HPCAL1: variants seen among roughly 807,000 people sequenced by gnomAD.
The protein encoded by HPCAL1 is hippocalcin like 1.
HPCAL1 carries 8 observed loss-of-function variants against 17.1 expected under a neutral mutation model. The ratio of observed to expected loss-of-function variants is 0.47; its 90% confidence interval spans 0.27 to 0.84. The LOEUF is 0.84. Among genes scored for constraint, HPCAL1 ranks in the 40% least tolerant of loss-of-function variants. The probability of loss-of-function intolerance (pLI) is 0.13; values close to 1 mark genes in which losing one functional copy is unlikely to be tolerated. For synonymous variants in HPCAL1, 112 were observed against 111.4 expected (o/e 1.01, Z -0.03); for missense variants, 165 against 271.1 (o/e 0.61, Z 2.75).
chr2:10,391,889 C>T (rs1025462217), intron 1 of HPCAL1, among the ~76,000 whole-genome samples: 1 of 152,196 alleles, frequency 6.6e-6, no homozygotes, highest in Non-Finnish European at 1.5e-5. Flanking sequence ...GCTGGGATTA[C>T]AGGCGCGTGC....
chr2:10,405,484 GT>G (rs1669911772), intron 2 of HPCAL1, among the ~76,000 whole-genome samples: 1 of 152,240 alleles, frequency 6.6e-6, no homozygotes, highest in Non-Finnish European at 1.5e-5. Context: ...AGTTGGCCCC[GT>G]AGTCTCAGTT....
chr2:10,373,589 G>GT (rs1252324040), intron 1 of HPCAL1, among the ~76,000 whole-genome samples: 1 of 151,780 alleles, frequency 6.6e-6, no homozygotes, highest in African/African-American at 2.4e-5. Context: ...TTTGTTTTTT[G>GT]TTTTTTTATG....
At chr2:10,328,882 C>T (rs1003652310) in intron 1 of HPCAL1, among the ~76,000 whole-genome samples, 6 of 152,214 alleles carry the variant, frequency 3.9e-5, no homozygotes, top group Non-Finnish European at 5.9e-5. Flanking sequence ...ATACAGGTTC[C>T]TGCTGACACC....
chr2:10,393,265 G>T lies in HPCAL1; in HGVS notation c.-110-3570G>T, dbSNP rs116096159. Among the ~76,000 whole-genome samples the T allele has an allele frequency of 3.2e-3, 483 of 152,370 alleles. 6 individuals are homozygous for T. Among genetic ancestry groups the T allele is most frequent in the African/African-American group, 0.011 (454 of 41,592 alleles). On this transcript the variant is annotated intron_variant, in intron 1 of 4. Coordinates refer to ENST00000307845, the MANE Select transcript of HPCAL1 (RefSeq NM_002149.4). Reference sequence around the variant, plus strand: ...TCACTGGGAAGCTGGTGGCCAGGGAGCCCCTGTGGCTTAGAGATAGAGCCA... The same window carrying T: ...TCACTGGGAAGCTGGTGGCCAGGGATCCCCTGTGGCTTAGAGATAGAGCCA...
At chr2:10,341,839 T>G (rs1473512355) in intron 1 of HPCAL1, among the ~76,000 whole-genome samples, 1 of 152,058 alleles carries the variant, frequency 6.6e-6, no homozygotes, top group Non-Finnish European at 1.5e-5. Context: ...TCTACAAGTT[T>G]GGGGTTGAAG....
At chr2:10,356,525 CA>C (rs146934995) in intron 1 of HPCAL1, among the ~76,000 whole-genome samples, 1,842 of 152,228 alleles carry the variant, frequency 0.012, 39 homozygotes, top group African/African-American at 0.041. Context: ...CCTGAGGTGG[CA>C]TTTCCTTGAA....
intron 1 of HPCAL1, among the ~76,000 whole-genome samples, chr2:10,357,816 G>A (rs981292642): frequency 1.3e-5 from 2 of 148,532 alleles, no homozygotes; most frequent in Non-Finnish European, 3.0e-5. Flanking sequence ...TTAGGAAGCA[G>A]CAGTGACTTC....
chr2:10,348,186 AT>A (rs1665586649), intron 1 of HPCAL1, among the ~76,000 whole-genome samples: 1 of 152,228 alleles, frequency 6.6e-6, no homozygotes, highest in Non-Finnish European at 1.5e-5. Context: ...ACAGTGGCTC[AT>A]GCCTGTAATC....
chr2:10,421,982 T>A (rs1186616721), intron 3 of HPCAL1, among the ~76,000 whole-genome samples: 3 of 152,208 alleles, frequency 2.0e-5, no homozygotes, highest in African/African-American at 7.2e-5. Context: ...TCCCCAGGAA[T>A]CACCCGTCCT....
rs544040968 is a variant in HPCAL1, at chr2:10,330,564, G to A, written c.-111+27387G>A. Among the ~76,000 whole-genome samples, 50 of 152,226 alleles carry A rather than the reference G, an allele frequency of 3.3e-4. No homozygotes were observed. The South Asian group carries it at 8.7e-3, about 27-fold the overall frequency. On this transcript the variant is annotated intron_variant, in intron 1 of 4. Transcript: ENST00000307845. The surrounding 1 kb of genome is among the most constrained non-coding windows in gnomAD (Gnocchi z 4.2). Reference sequence around the variant, plus strand: ...ACCCGAGGCCTCTCTCCTCGGCTCCGTGTAGCCCTTTCTCCCTCTGTTCTC... The same window carrying A: ...ACCCGAGGCCTCTCTCCTCGGCTCCATGTAGCCCTTTCTCCCTCTGTTCTC...
chr2:10,370,115 T>C (rs1667118069), intron 1 of HPCAL1, among the ~76,000 whole-genome samples: 1 of 152,202 alleles, frequency 6.6e-6, no homozygotes, highest in Admixed American at 6.5e-5. Flanking sequence ...TATGGGCCCA[T>C]TGGGCATGCC....
Position 10,418,725 on chromosome 2 carries a change from C to T in HPCAL1, c.-24-1009C>T, listed in dbSNP as rs549145080. ...TAACATGAGGTGGTGCAGTGGCAGC[C>T]GTGTGAATGCCGGTTGATCAGTCTT... On this transcript the variant is annotated intron_variant, in intron 2 of 4. Coordinates refer to ENST00000307845, the MANE Select transcript of HPCAL1 (RefSeq NM_002149.4). 2.0e-4 allele frequency among the ~76,000 whole-genome samples: 31 copies of T among 152,236 alleles called. No individual in the cohort carries two copies. In the South Asian group the frequency reaches 5.2e-3, roughly 25 times the overall value.
intron 3 of HPCAL1, among the ~76,000 whole-genome samples, chr2:10,422,113 C>G (rs1671098684): frequency 6.6e-6 from 1 of 152,206 alleles, no homozygotes; most frequent in Non-Finnish European, 1.5e-5. Context: ...GCAGCCACTT[C>G]TGTCCAAACG....
chr2:10,418,283 A>G (rs1054028272), intron 2 of HPCAL1, among the ~76,000 whole-genome samples: 4 of 150,904 alleles, frequency 2.7e-5, no homozygotes, highest in Non-Finnish European at 5.9e-5. Flanking sequence ...ATAAATAAAT[A>G]AATAGCCAGG....
At position 10,410,140 on chromosome 2, in the gene HPCAL1, T is replaced by C. The variant is rs574309899; in HGVS notation, c.-24-9594T>C. 7.3e-4 allele frequency among the ~76,000 whole-genome samples: 111 copies of C among 152,224 alleles called. 2 individuals are homozygous for C. The highest frequency in any genetic ancestry group is 7.9e-4 in the Non-Finnish European group (54 of 68,012). On this transcript the variant is annotated intron_variant, in intron 2 of 4. Coordinates refer to ENST00000307845, the MANE Select transcript of HPCAL1 (RefSeq NM_002149.4). ...GTGTTTCCCACCTCTCTGGTCGCCTTCCCTCAAAGCATCTCAGAGTCTGGT... is the reference window on the plus strand; with the variant it reads ...GTGTTTCCCACCTCTCTGGTCGCCTCCCCTCAAAGCATCTCAGAGTCTGGT...
rs113126533 is a variant in HPCAL1, at chr2:10,323,230, C to T, written c.-111+20053C>T. Among the ~76,000 whole-genome samples the T allele has an allele frequency of 1.8e-3, 268 of 152,352 alleles. 3 individuals carry two copies. The highest frequency in any genetic ancestry group is 5.9e-3 in the African/African-American group (247 of 41,586). ...GTATGCATGGGGTCACGGTGCTCCA[C>T]GCTCTCAACCGTTGGTTGCAGGTTC... On this transcript the variant is annotated intron_variant, in intron 1 of 4. Coordinates refer to ENST00000307845, the MANE Select transcript of HPCAL1 (RefSeq NM_002149.4). The surrounding 1 kb of genome is among the most constrained non-coding windows in gnomAD (Gnocchi z 4.6).
At chr2:10,360,155 C>T (rs149548415) in intron 1 of HPCAL1, among the ~76,000 whole-genome samples, 9 of 152,230 alleles carry the variant, frequency 5.9e-5, no homozygotes, top group Non-Finnish European at 7.4e-5. Context: ...GACTCTGCTG[C>T]GGTCTCCAGG....
chr2:10,371,908 G>T (rs1472923290), intron 1 of HPCAL1, among the ~76,000 whole-genome samples: 1 of 152,206 alleles, frequency 6.6e-6, no homozygotes, highest in Non-Finnish European at 1.5e-5. Flanking sequence ...GCTCTGTGCT[G>T]CAGCCTTAAG....
chr2:10,405,757 G>A (rs1337424100), intron 2 of HPCAL1, among the ~76,000 whole-genome samples: 1 of 152,194 alleles, frequency 6.6e-6, no homozygotes, highest in Non-Finnish European at 1.5e-5. Context: ...CCTCGGGCAG[G>A]AGCAGCGCCC....
Sources: allele counts gnomAD v4.1 joint callset (sites outside exome capture counted in the v4.1 genomes callset), GRCh38; gene constraint gnomAD v4.1.1; non-coding constraint Gnocchi (gnomAD v3.1); transcripts MANE v1.5; gene names NCBI Gene and HGNC (gene_info 2026-07-23, HGNC 2026-07-21).